SLC24A2: variants seen among roughly 807,000 people sequenced by gnomAD.
SLC24A2 encodes solute carrier family 24 member 2, also known as sodium/potassium/calcium exchanger 2.
In SLC24A2, 36 loss-of-function variants were observed where a neutral mutation model predicts 62.0. That is an observed-to-expected ratio of 0.58 (90% CI 0.44 to 0.77). The LOEUF (loss-of-function observed/expected upper bound fraction) is 0.77. SLC24A2 is among the 30% of genes least tolerant of loss of function. The pLI is 0.00. For missense variants in SLC24A2, 846 were observed against 817.9 expected (o/e 1.03, Z -0.42); for synonymous variants, 358 against 294.0 (o/e 1.22, Z -2.23).
At chr9:19,523,119 C>A (rs1257404894) in intron 9 of SLC24A2, among the ~76,000 whole-genome samples, 1 of 152,108 alleles carries the variant, frequency 6.6e-6, no homozygotes, top group Non-Finnish European at 1.5e-5. Flanking sequence ...ACATTTGAGA[C>A]CAGACTGGGC....
chr9:20,207,086 C>T, the SLC24A2 span, among the ~76,000 whole-genome samples: 1 of 152,172 alleles, frequency 6.6e-6, no homozygotes. Flanking sequence ...TTAGTAAATA[C>T]TGAGTAACAT....
the SLC24A2 span, among the ~76,000 whole-genome samples, chr9:20,052,855 G>A: frequency 6.6e-6 from 1 of 152,080 alleles, no homozygotes; most frequent in Non-Finnish European, 1.5e-5. Flanking sequence ...GAGACTTCCT[G>A]GGGCATCAAA....
chr9:19,552,718 TATC>T (rs1451428865), intron 7 of SLC24A2, among the ~76,000 whole-genome samples: 1 of 151,646 alleles, frequency 6.6e-6, no homozygotes, highest in African/African-American at 2.4e-5. Flanking sequence ...TTATGACTCA[TATC>T]ATTTTAATGA....
At chr9:20,085,659 T>C in the SLC24A2 span, among the ~76,000 whole-genome samples, 1 of 152,192 alleles carries the variant, frequency 6.6e-6, no homozygotes, top group Non-Finnish European at 1.5e-5. Context: ...AATGGCAAAA[T>C]TTTATTGTAT....
chr9:19,773,599 C>G (rs973956908), intron 2 of SLC24A2, among the ~76,000 whole-genome samples: 2 of 152,206 alleles, frequency 1.3e-5, no homozygotes, highest in East Asian at 1.9e-4. Flanking sequence ...GAACACTCAT[C>G]ATCACCACTA....
rs1030389657 is a variant in SLC24A2 at position 19,788,960 on chromosome 9, C to G, written c.-229G>C. The G allele has an allele frequency of 2.7e-5, 27 of 985,080 alleles. No individual in the cohort carries two copies. In the African/African-American group the frequency reaches 4.4e-4, roughly 16 times the overall value. 61.0% of individuals were successfully genotyped at this position (985,080 alleles called of 1,614,324 possible). ...GCCGCTCCAGTCCGCCGGCCCTCCG[C>G]CTACCCGCTCTGAGGCCCGGGCTCT... On this transcript the variant is annotated 5_prime_UTR_variant, in exon 1 of 11. Transcript: ENST00000341998.
At chr9:19,976,726 G>C in the SLC24A2 span, among the ~76,000 whole-genome samples, 1 of 152,184 alleles carries the variant, frequency 6.6e-6, no homozygotes, top group Non-Finnish European at 1.5e-5. Context: ...AAATTTGAGT[G>C]TCCACAGATT....
intron 8 of SLC24A2, among the ~76,000 whole-genome samples, chr9:19,535,012 C>T (rs1833889442): frequency 6.6e-6 from 1 of 152,198 alleles, no homozygotes; most frequent in South Asian, 2.1e-4. Flanking sequence ...ACATCCTCTC[C>T]AGCACCTGTT....
intron 5 of SLC24A2, among the ~76,000 whole-genome samples, chr9:19,583,049 G>T (rs1207018736): frequency 1.3e-5 from 2 of 152,012 alleles, no homozygotes; most frequent in African/African-American, 2.4e-5. Context: ...ACAGAACATG[G>T]CACTTACTTC....
chr9:19,697,621 C>T (rs977070691), intron 2 of SLC24A2, among the ~76,000 whole-genome samples: 1 of 152,086 alleles, frequency 6.6e-6, no homozygotes, highest in Non-Finnish European at 1.5e-5. Context: ...ACTGGCTTAG[C>T]TAAAATTATC....
the SLC24A2 span, among the ~76,000 whole-genome samples, chr9:19,964,798 C>T: frequency 6.6e-6 from 1 of 152,154 alleles, no homozygotes; most frequent in Non-Finnish European, 1.5e-5. Context: ...CTCTACCTTC[C>T]CCTGTGGTCT....
At chr9:20,211,565 T>G in the SLC24A2 span, among the ~76,000 whole-genome samples, 2 of 152,146 alleles carry the variant, frequency 1.3e-5, no homozygotes, top group Admixed American at 6.5e-5. Flanking sequence ...CTTAGAGACT[T>G]GGAGTATTGA....
chr9:19,563,499 A>T (rs1231872521), intron 7 of SLC24A2, among the ~76,000 whole-genome samples: 1 of 152,230 alleles, frequency 6.6e-6, no homozygotes. Context: ...TTTTAGGAAG[A>T]AAGACATCAT....
At chr9:19,669,942 A>T (rs915141100) in intron 2 of SLC24A2, among the ~76,000 whole-genome samples, 26 of 152,232 alleles carry the variant, frequency 1.7e-4, no homozygotes, top group Non-Finnish European at 3.5e-4. Flanking sequence ...GTGCCCCCAC[A>T]TTGGAGAACA....
At chr9:19,556,796 T>A (rs1835111627) in intron 7 of SLC24A2, among the ~76,000 whole-genome samples, 3 of 152,224 alleles carry the variant, frequency 2.0e-5, no homozygotes, top group African/African-American at 7.2e-5. Context: ...CTCACTGCCT[T>A]CTAGGCCCCA....
chr9:19,570,393 T>A (rs1221747330), intron 7 of SLC24A2, among the ~76,000 whole-genome samples: 1 of 151,964 alleles, frequency 6.6e-6, no homozygotes, highest in African/African-American at 2.4e-5. Flanking sequence ...TTCTATGGAG[T>A]TTTTACATCT....
the SLC24A2 span, among the ~76,000 whole-genome samples, chr9:19,866,825 C>T: frequency 6.6e-6 from 1 of 151,418 alleles, no homozygotes; most frequent in East Asian, 1.9e-4. Context: ...TTAGTAGAGA[C>T]GGGGTCACTT....
intron 4 of SLC24A2, among the ~76,000 whole-genome samples, chr9:19,609,332 A>C (rs1404112950): frequency 6.6e-6 from 1 of 152,202 alleles, no homozygotes; most frequent in Non-Finnish European, 1.5e-5. Flanking sequence ...AGTGGTGCTT[A>C]TACCCTATGG....
At chr9:20,087,817 A>C in the SLC24A2 span, among the ~76,000 whole-genome samples, 2 of 151,820 alleles carry the variant, frequency 1.3e-5, no homozygotes, top group Non-Finnish European at 3.0e-5. Context: ...CATCAAGAAA[A>C]CAACCCAACC....
Sources: gnomAD v4.1 joint callset for allele counts (sites outside exome capture counted in the v4.1 genomes callset) on GRCh38, gnomAD v4.1.1 for gene constraint, MANE v1.5 for transcripts, NCBI Gene and HGNC (gene_info 2026-07-23, HGNC 2026-07-21) for gene names.